ME1: variants seen among roughly 807,000 people sequenced by gnomAD.
ME1 encodes malic enzyme 1.
ME1 carries 74 observed loss-of-function variants against 66.4 expected under a neutral mutation model. The ratio of observed to expected loss-of-function variants is 1.11; its 90% CI spans 0.92 to 1.35. ME1 has a LOEUF of 1.35. Ranked by LOEUF, ME1 falls within the 40% of genes most tolerant of loss-of-function variation. The probability of loss-of-function intolerance (pLI) is 0.00; values close to 1 mark genes in which losing one functional copy is unlikely to be tolerated. For missense variants in ME1, 750 were observed against 694.1 expected (o/e 1.08, Z -0.90); for synonymous variants, 251 against 235.6 (o/e 1.07, Z -0.60).
chr6:83,409,474 G>A (rs1442885969), intron 1 of ME1, among the ~76,000 whole-genome samples: 1 of 152,216 alleles, frequency 6.6e-6, no homozygotes, highest in East Asian at 1.9e-4. Flanking sequence ...GACAAACCCT[G>A]ATTGGTTAGG....
At chr6:83,333,974 G>A (rs986652600) in intron 5 of ME1, among the ~76,000 whole-genome samples, 10 of 151,998 alleles carry the variant, frequency 6.6e-5, no homozygotes, top group African/African-American at 1.2e-4. Context: ...CAAGATGGCC[G>A]AATAGGAACA....
At chr6:83,319,521 T>A (rs138903058) in intron 5 of ME1, among the ~76,000 whole-genome samples, 2 of 152,202 alleles carry the variant, frequency 1.3e-5, no homozygotes, top group East Asian at 3.9e-4. Flanking sequence ...TATCTTGGAT[T>A]ATTAAGACAG....
intron 3 of ME1, among the ~76,000 whole-genome samples, chr6:83,358,984 C>T (rs1317955744): frequency 1.3e-5 from 2 of 152,090 alleles, no homozygotes; most frequent in East Asian, 3.9e-4. Flanking sequence ...ACAAGGCTGT[C>T]ACTTCTCACT....
rs186977890 is a variant in ME1, at chr6:83,418,954, A to T, written c.79-11053T>A. Among the ~76,000 whole-genome samples, 6 of 152,338 alleles carry T rather than the reference A, an allele frequency of 3.9e-5. No homozygotes were observed. The East Asian group carries it at 1.2e-3, about 29-fold the overall frequency. The stretch of plus-strand genomic sequence containing the variant: ...GTGAAAAGTTGGGGGTAGGTAGAGA[A>T]GAAACAGCATGTATATAACCCCTAA... On this transcript the variant is annotated intron_variant, in intron 1 of 13. Transcript: ENST00000369705.
intron 3 of ME1, among the ~76,000 whole-genome samples, chr6:83,353,693 C>A (rs1768839832): frequency 6.6e-6 from 1 of 152,118 alleles, no homozygotes; most frequent in African/African-American, 2.4e-5. Flanking sequence ...TCATCTTGAG[C>A]AAGTGAAAGA....
At chr6:83,249,521 G>A (rs753908314) in intron 7 of ME1, among the ~76,000 whole-genome samples, 2 of 152,014 alleles carry the variant, frequency 1.3e-5, no homozygotes, top group African/African-American at 2.4e-5. Context: ...CACTGTGCCT[G>A]GCCTAAAAAT....
At chr6:83,243,850 T>G (rs1482442595) in intron 7 of ME1, among the ~76,000 whole-genome samples, 1 of 126,004 alleles carries the variant, frequency 7.9e-6, no homozygotes, top group African/African-American at 3.1e-5. Context: ...AAATTATATA[T>G]ATAATTATAT....
chr6:83,232,308 T>C (rs1790322324), intron 9 of ME1, among the ~76,000 whole-genome samples: 1 of 152,166 alleles, frequency 6.6e-6, no homozygotes, highest in Non-Finnish European at 1.5e-5. Context: ...TTTCACTGCA[T>C]TTGTTGCAAA....
At chr6:83,426,537 T>A (rs1180998449) in intron 1 of ME1, among the ~76,000 whole-genome samples, 1 of 152,248 alleles carries the variant, frequency 6.6e-6, no homozygotes, top group African/African-American at 2.4e-5. Context: ...ATTTTCTGAA[T>A]AATTCATTCA....
At chr6:83,241,695 T>C (rs1188909288) in intron 7 of ME1, among the ~76,000 whole-genome samples, 3 of 152,182 alleles carry the variant, frequency 2.0e-5, no homozygotes, top group African/African-American at 7.2e-5. Flanking sequence ...TTAAATTTCA[T>C]TGCAGAGAAG....
chr6:83,384,860 A>T (rs896732899), intron 3 of ME1, among the ~76,000 whole-genome samples: 5 of 151,938 alleles, frequency 3.3e-5, no homozygotes. Context: ...CAGTTATCCT[A>T]GCACCATTTA....
At chr6:83,239,250 C>T (rs1790467344) in intron 8 of ME1, among the ~76,000 whole-genome samples, 1 of 151,984 alleles carries the variant, frequency 6.6e-6, no homozygotes. Context: ...TATACACATA[C>T]ATTGGAAAGT....
chr6:83,278,690 C>T (rs1256023974), intron 6 of ME1, among the ~76,000 whole-genome samples: 1 of 152,022 alleles, frequency 6.6e-6, no homozygotes, highest in African/African-American at 2.4e-5. Context: ...AACTCCTGGG[C>T]TCAGGCAATC....
chr6:83,327,441 G>A (rs1241784688), intron 5 of ME1, among the ~76,000 whole-genome samples: 1 of 152,120 alleles, frequency 6.6e-6, no homozygotes, highest in African/African-American at 2.4e-5. Flanking sequence ...CGCACCTAGG[G>A]GTAGGTCTCT....
intron 9 of ME1, chr6:83,229,144 AAC>A (rs1562452895): frequency 1.7e-6 from 1 of 599,982 alleles, no homozygotes; most frequent in East Asian, 3.4e-5. Context: ...ATGGAGATGT[AAC>A]AGTGAACAAA....
rs965370381 is a variant in ME1, at chr6:83,387,079, C to T, written c.362+11288G>A. Among the ~76,000 whole-genome samples, 12 of 152,092 alleles carry T rather than the reference C, an allele frequency of 7.9e-5. 1 individual carries two copies. ...TTTAATTTGCAGTTATTAAAACTGG[C>T]TGTGAAACCATGTTTCTTTTCCATA... is the stretch of plus-strand genomic sequence containing the variant. On this transcript the variant is annotated intron_variant, in intron 3 of 13. Transcript: ENST00000369705.
intron 6 of ME1, among the ~76,000 whole-genome samples, chr6:83,289,503 C>G (rs1015553036): frequency 1.3e-5 from 2 of 152,154 alleles, no homozygotes; most frequent in Admixed American, 1.3e-4. Context: ...ATGAAGCTGA[C>G]TTGATCGTGG....
At chr6:83,360,120 C>T (rs1011482798) in intron 3 of ME1, among the ~76,000 whole-genome samples, 5 of 152,116 alleles carry the variant, frequency 3.3e-5, no homozygotes, top group African/African-American at 1.2e-4. Flanking sequence ...GAATCATGAC[C>T]CCTCAATCAA....
At chr6:83,263,643 ACT>A (rs1200171774) in intron 6 of ME1, among the ~76,000 whole-genome samples, 1 of 152,068 alleles carries the variant, frequency 6.6e-6, no homozygotes, top group East Asian at 1.9e-4. Context: ...CAAGGCCCTA[ACT>A]CTCTTCAATT....
Sources: gnomAD v4.1 joint callset for allele counts (sites outside exome capture counted in the v4.1 genomes callset) on GRCh38, gnomAD v4.1.1 for gene constraint, MANE v1.5 for transcripts, NCBI Gene and HGNC (gene_info 2026-07-23, HGNC 2026-07-21) for gene names.